The following BRD10 variants were observed in gnomAD, a reference collection of about 807,000 sequenced individuals.
BRD10 encodes the protein uncharacterized bromodomain-containing protein 10.
At chr9:5,907,182 A>C in the BRD10 span, 1 of 368,446 alleles carries the variant, frequency 2.7e-6, no homozygotes. Context: ...AAAAATAAAT[A>C]ATAATAAAAA....
At chr9:6,005,997 A>G in the BRD10 span, among the ~76,000 whole-genome samples, 1 of 152,242 alleles carries the variant, frequency 6.6e-6, no homozygotes, top group African/African-American at 2.4e-5. Flanking sequence ...GGCATATGGG[A>G]AGCCAATGAC....
the BRD10 span, chr9:5,924,917 C>T: frequency 9.3e-7 from 1 of 1,077,470 alleles, no homozygotes; most frequent in East Asian, 2.7e-5. Flanking sequence ...TAACTTTTAA[C>T]ATTTTAAACT....
the BRD10 span, among the ~76,000 whole-genome samples, chr9:5,939,673 T>C: frequency 2.0e-5 from 3 of 152,206 alleles, no homozygotes; most frequent in Admixed American, 2.0e-4. Flanking sequence ...TTGGCAGCAG[T>C]GGACAGAATG....
At chr9:5,968,657 C>G in the BRD10 span, 1 of 1,613,872 alleles carries the variant, frequency 6.2e-7, no homozygotes, top group Non-Finnish European at 8.5e-7. Context: ...TCTGCTACAT[C>G]TATGTTCTCC....
the BRD10 span, among the ~76,000 whole-genome samples, chr9:5,982,944 T>C: frequency 6.6e-6 from 1 of 152,222 alleles, no homozygotes; most frequent in East Asian, 1.9e-4. Context: ...TTTGAATTTT[T>C]AAAATTGTGG....
chr9:5,950,312 A>T, the BRD10 span, among the ~76,000 whole-genome samples: 2 of 152,218 alleles, frequency 1.3e-5, no homozygotes, highest in Non-Finnish European at 2.9e-5. Context: ...GAAGCGACTG[A>T]CCTGCTTATT....
chr9:5,944,900 T>C, the BRD10 span: 1 of 1,544,908 alleles, frequency 6.5e-7, no homozygotes, highest in South Asian at 1.2e-5. Context: ...TCCAGATCTT[T>C]GAGTTCATTC....
chr9:5,919,050 T>A, the BRD10 span: 2 of 152,640 alleles, frequency 1.3e-5, no homozygotes, highest in Non-Finnish European at 2.9e-5. Flanking sequence ...TACATGCAGA[T>A]TCTTCTGCAT....
At chr9:5,921,242 T>A in the BRD10 span, 3 of 1,613,870 alleles carry the variant, frequency 1.9e-6, no homozygotes, top group East Asian at 6.7e-5. Flanking sequence ...GCCTGAAGTA[T>A]TTACAATTGC....
chr9:5,896,913 G>A, the BRD10 span, among the ~76,000 whole-genome samples: 5 of 152,334 alleles, frequency 3.3e-5, no homozygotes, highest in South Asian at 1.0e-3. Flanking sequence ...AGGGCTGCAA[G>A]GAGCAAAGCG....
At chr9:5,905,384 C>T in the BRD10 span, among the ~76,000 whole-genome samples, 1 of 152,108 alleles carries the variant, frequency 6.6e-6, no homozygotes, top group East Asian at 1.9e-4. Flanking sequence ...GTACAACTGA[C>T]CAGCATTAAT....
At chr9:5,940,405 G>A in the BRD10 span, among the ~76,000 whole-genome samples, 7,955 of 151,706 alleles carry the variant, frequency 0.052, 599 homozygotes, top group African/African-American at 0.16. Context: ...ATGTTAGCCA[G>A]GCTGGTCTCG....
the BRD10 span, among the ~76,000 whole-genome samples, chr9:5,934,967 C>T: frequency 0.11 from 16,694 of 152,148 alleles, 1,241 homozygotes; most frequent in Non-Finnish European, 0.17. Context: ...ACCTATTTTT[C>T]TTACTGCTTA....
the BRD10 span, among the ~76,000 whole-genome samples, chr9:5,930,369 T>TTATATATATATATATATATATA: frequency 2.1e-4 from 29 of 135,486 alleles, no homozygotes; most frequent in South Asian, 4.9e-4. Flanking sequence ...TATAAGGAGA[T>TTATATATATATATATATATATA]TATATATATA....
the BRD10 span, among the ~76,000 whole-genome samples, chr9:5,896,496 G>C: frequency 6.6e-6 from 1 of 152,306 alleles, no homozygotes; most frequent in South Asian, 2.1e-4. Flanking sequence ...GACAGAAGTT[G>C]TCCAGTAGAT....
the BRD10 span, chr9:5,924,739 CT>C: frequency 6.2e-7 from 1 of 1,605,980 alleles, no homozygotes; most frequent in Non-Finnish European, 8.5e-7. Context: ...TTAGGAGAGT[CT>C]TTTCCAAGAT....
At chr9:6,007,489 G>C in the BRD10 span, 4 of 1,612,064 alleles carry the variant, frequency 2.5e-6, no homozygotes, top group East Asian at 4.5e-5. Context: ...CTGCAGAAAG[G>C]GGGCGGTGAG....
chr9:5,929,469 CATTTATATAA>C, the BRD10 span, among the ~76,000 whole-genome samples: 13 of 152,204 alleles, frequency 8.5e-5, no homozygotes, highest in African/African-American at 3.1e-4. Context: ...AAAACACAAA[CATTTATATAA>C]ATTCATTAAG....
At chr9:5,962,273 CA>C in the BRD10 span, among the ~76,000 whole-genome samples, 1 of 145,012 alleles carries the variant, frequency 6.9e-6, no homozygotes, top group African/African-American at 2.6e-5. Context: ...GAGAATACTA[CA>C]AACACCTCTA....
Sources: allele counts gnomAD v4.1 joint callset (sites outside exome capture counted in the v4.1 genomes callset), GRCh38; gene constraint gnomAD v4.1.1; transcripts MANE v1.5; gene names NCBI Gene and HGNC (gene_info 2026-07-23, HGNC 2026-07-21).